PIGS: variants seen among roughly 807,000 people sequenced by gnomAD.
The protein encoded by PIGS is GPI-anchor transamidase component PIGS.
Under a neutral mutation model 58.2 loss-of-function variants are expected in PIGS, and 37 were observed. The ratio of observed to expected loss-of-function variants is 0.64; its 90% CI spans 0.49 to 0.84. The LOEUF is 0.84. Ranked by LOEUF, PIGS falls within the 40% of genes least tolerant of loss-of-function variation. The pLI, the probability that PIGS is intolerant of heterozygous loss-of-function variation, is 0.00. For missense variants in PIGS, 629 were observed against 710.8 expected, an observed-to-expected ratio of 0.88 and a Z score of 1.31; for synonymous variants, 269 against 289.2, an observed-to-expected ratio of 0.93 and a Z score of 0.71.
chr17:28,561,437 G>A lies in PIGS; in HGVS notation c.661C>T (p.Leu221Phe), dbSNP rs778812144. Reference protein sequence around the residue: ...DKWSAEKRRPLKSSLGYEITF... With the variant: ...DKWSAEKRRPFKSSLGYEITF... ...GGTGCCCTACCCAAGCTGGACTTGA[G>A]AGGCCGCCTCTTCTCAGCGCTCCAC... Residue 221 changes from leucine (L) to phenylalanine (F), a missense_variant, in exon 6 of 12, where the codon CTC becomes TTC. By Grantham distance (22) the Leu-to-Phe change is conservative. Transcript: ENST00000308360. The A allele has an allele frequency of 6.2e-7, 1 of 1,613,920 alleles. No individual in the cohort carries two copies. Among genetic ancestry groups the A allele is most frequent in the South Asian group, 1.1e-5 (1 of 91,072 alleles).
intron 3 of PIGS, among the ~76,000 whole-genome samples, chr17:28,566,988 C>T (rs1462609834): frequency 2.0e-5 from 3 of 152,066 alleles, no homozygotes; most frequent in African/African-American, 7.2e-5. Flanking sequence ...TGAGCCACTG[C>T]ACAGCAGTCT....
At chr17:28,570,656 GT>G (rs2070421420) in intron 3 of PIGS, among the ~76,000 whole-genome samples, 195 bp downstream of exon 3, 1 of 152,220 alleles carries the variant, frequency 6.6e-6, no homozygotes, top group African/African-American at 2.4e-5. Flanking sequence ...TAGGTAGCCT[GT>G]CTTACGAGTA....
At chr17:28,557,104 G>T in intron 8 of PIGS, 132 bp from the exon 9 acceptor site, 1 of 926,360 alleles carries the variant, frequency 1.1e-6, no homozygotes, top group Non-Finnish European at 1.6e-6. Flanking sequence ...ATATCCTCCT[G>T]TCCAGGGTGT....
chr17:28,558,385 C>T (rs2070343491), intron 8 of PIGS, 91 bp downstream of exon 8: 6 of 1,027,672 alleles, frequency 5.8e-6, no homozygotes, highest in South Asian at 4.3e-5. Context: ...GTATATAATC[C>T]ACCTCCAACT....
Position 28,554,983 on chromosome 17 carries a change from G to A in PIGS, c.1260C>T (p.Thr420=), listed in dbSNP as rs753065175. 2 of 1,611,324 alleles carry A rather than the reference G, an allele frequency of 1.2e-6. No individual in the cohort carries two copies. Among genetic ancestry groups the A allele is most frequent in the Non-Finnish European group, 1.7e-6 (2 of 1,178,478 alleles). Residue 420 remains threonine, a synonymous_variant, in exon 11 of 12, where the codon ACC becomes ACT. Transcript: ENST00000308360. The stretch of plus-strand genomic sequence containing the variant: ...CCCAGAGCAGCCGGTCTAGCTCCCA[G>A]GTCATTAGCCCTTCACTCGTAGGCC... ...LSGPTSEGLM[T]WELDRLLWAR...
chr17:28,561,166 G>A (rs539167794), intron 6 of PIGS, among the ~76,000 whole-genome samples: 2 of 152,218 alleles, frequency 1.3e-5, no homozygotes, highest in Admixed American at 6.5e-5. Flanking sequence ...GCTGAGGCAG[G>A]AGAATGGCGT....
chr17:28,569,406 TCAAGGCTGCAGTG>T (rs1355133406), intron 3 of PIGS, among the ~76,000 whole-genome samples: 1 of 144,500 alleles, frequency 6.9e-6, no homozygotes, highest in Non-Finnish European at 1.5e-5. Context: ...GCCCAATAGG[TCAAGGCTGCAGTG>T]GGCCCTGATC....
intron 6 of PIGS, chr17:28,560,396 C>A: frequency 1.8e-6 from 1 of 561,788 alleles, no homozygotes; most frequent in Non-Finnish European, 3.0e-6. Context: ...GTAATCCCAG[C>A]ACTTTGGGAG....
rs1456648347 is a variant in PIGS at position 28,561,574 on chromosome 17, T to C, written c.524A>G (p.His175Arg). Reference sequence around the variant, plus strand: ...GCCAATGATGTTAAAGGCCTCCCGGTGCATTATCCCCCGCACCACTGCTGT... The same window carrying C: ...GCCAATGATGTTAAAGGCCTCCCGGCGCATTATCCCCCGCACCACTGCTGT... Reference protein sequence around the residue: ...KRTAVVRGIMHREAFNIIGRR... With the variant: ...KRTAVVRGIMRREAFNIIGRR... Residue 175 changes from histidine to arginine, a missense_variant, in exon 6 of 12, where the codon CAC becomes CGC. Transcript: ENST00000308360. 1 of 1,613,756 alleles carries C rather than the reference T, an allele frequency of 6.2e-7. No homozygotes were observed. Among genetic ancestry groups the C allele is most frequent in the Non-Finnish European group, 8.5e-7 (1 of 1,179,852 alleles).
At position 28,563,924 on chromosome 17, in the gene PIGS, G is replaced by A; in HGVS notation, c.287-17C>T. 2 of 1,602,072 alleles carry A rather than the reference G, an allele frequency of 1.2e-6. No individual in the cohort carries two copies. Among genetic ancestry groups the A allele is most frequent in the Non-Finnish European group, 1.7e-6 (2 of 1,169,114 alleles). On this transcript the variant is annotated splice_polypyrimidine_tract_variant and intron_variant, in intron 3 of 11. Transcript: ENST00000308360. ...TCATTTTGTCTGGGAGGGATAAGAAGTAGCACAATGAAAAGGGCAAGCATC... is the reference window on the plus strand; with the variant it reads ...TCATTTTGTCTGGGAGGGATAAGAAATAGCACAATGAAAAGGGCAAGCATC...
At chr17:28,562,338 A>C (rs1052342828) in intron 5 of PIGS, among the ~76,000 whole-genome samples, 7 of 152,220 alleles carry the variant, frequency 4.6e-5, no homozygotes, top group African/African-American at 1.7e-4. Context: ...ATGGAAGTAC[A>C]CACCGTGCTA....
chr17:28,568,279 T>C (rs924156382), intron 3 of PIGS, among the ~76,000 whole-genome samples: 1 of 151,996 alleles, frequency 6.6e-6, no homozygotes, highest in African/African-American at 2.4e-5. Context: ...ATTTTTGTAT[T>C]TTTAGTAGAG....
rs1035257251 is a variant in PIGS, at chr17:28,553,796, T to C, written c.*424A>G. On this transcript the variant is annotated 3_prime_UTR_variant, in exon 12 of 12. Transcript: ENST00000308360. ...CCACAGGTGACCAATGCCTGGCCCC[T>C]TCATGACAGCAGGGGCTAGGGCTGT... 1.6e-5 allele frequency: 3 copies of C among 190,316 alleles called. No homozygotes were observed. The highest frequency in any genetic ancestry group is 2.4e-5 in the African/African-American group (1 of 42,096). The allele number at this position is 190,316 out of a possible 1,614,324, so 11.8% of individuals were successfully genotyped here.
chr17:28,562,084 A>G (rs938087043), intron 5 of PIGS, among the ~76,000 whole-genome samples: 6 of 152,266 alleles, frequency 3.9e-5, no homozygotes, highest in Admixed American at 1.3e-4. Context: ...TTATACAATG[A>G]TACATAGATT....
At chr17:28,559,699 CAAAAAAAAAA>C (rs761803589) in intron 7 of PIGS, among the ~76,000 whole-genome samples, 3 of 45,698 alleles carry the variant, frequency 6.6e-5, no homozygotes, top group African/African-American at 1.6e-4. Flanking sequence ...GACTCTGTCT[CAAAAAAAAAA>C]AAAAAAAAAA....
chr17:28,570,878 A>C lies in PIGS; in HGVS notation c.260T>G (p.Val87Gly), dbSNP rs1387117968. The C allele has an allele frequency of 6.2e-7, 1 of 1,614,230 alleles. No homozygotes were observed. The highest frequency in any genetic ancestry group is 8.5e-7 in the Non-Finnish European group (1 of 1,180,046). ...DDQEKLPFTV[V>G]HEREIPLKYK... ...TTTCAGAGGAATCTCTCTTTCATGC[A>C]CAACGGTGAAGGGCAGCTTCTCCTG... is the stretch of plus-strand genomic sequence containing the variant. Residue 87 changes from valine (V) to glycine (G), a missense_variant, in exon 3 of 12, where the codon GTG (valine) becomes GGG (glycine). By Grantham distance (109) the Val-to-Gly change is moderately radical (BLOSUM62 -3). Transcript: ENST00000308360.
At chr17:28,563,759 G>A (rs889781227) in intron 4 of PIGS, 59 bp downstream of exon 4, 1 of 1,509,350 alleles carries the variant, frequency 6.6e-7, no homozygotes, top group Admixed American at 1.7e-5. Context: ...TATGCACTTA[G>A]AGATCAGAAG....
Position 28,556,190 on chromosome 17 carries a change from A to G in PIGS, c.1157T>C (p.Met386Thr), listed in dbSNP as rs768907076. The part of the protein sequence containing the change: ...VRVEVDMVRV[M>T]EVFLAQLRLL... ...CCGCAACTGTGCCAGGAACACCTCC[A>G]TCACTCGCACCATGTCCACCTCGAC... Residue 386 changes from methionine to threonine, a missense_variant, in exon 10 of 12, where the codon ATG becomes ACG. By Grantham distance (81) the Met-to-Thr change is moderately conservative (BLOSUM62 -1). Transcript: ENST00000308360. 6.2e-7 allele frequency: 1 copy of G among 1,613,850 alleles called. No homozygotes were observed. Among genetic ancestry groups the G allele is most frequent in the South Asian group, 1.1e-5 (1 of 91,082 alleles).
At chr17:28,569,097 C>CA (rs564819903) in intron 3 of PIGS, among the ~76,000 whole-genome samples, 782 of 52,090 alleles carry the variant, frequency 0.015, 7 homozygotes, top group South Asian at 0.07. Flanking sequence ...AACTCCATCT[C>CA]AAAAAAAAAA....
Sources: gnomAD v4.1 joint callset for allele counts (sites outside exome capture counted in the v4.1 genomes callset) on GRCh38, gnomAD v4.1.1 for gene constraint, MANE v1.5 for transcripts, NCBI Gene and HGNC (gene_info 2026-07-23, HGNC 2026-07-21) for gene names.